The following OR10A6 variants were observed in gnomAD, a reference collection of about 807,000 sequenced individuals.
OR10A6 encodes olfactory receptor 10A6.
In OR10A6, 2 loss-of-function variants were observed where a neutral mutation model predicts 1.5. The observed-to-expected ratio is 1.31, with a 90% CI of 0.54 to 4.13. The LOEUF (loss-of-function observed/expected upper bound fraction) is 4.13, where lower values mean the gene tolerates loss of function less well. Among genes scored for constraint, OR10A6 ranks in the 30% most tolerant of loss-of-function variants. The pLI, the probability that OR10A6 is intolerant of heterozygous loss-of-function variation, is 0.07. For synonymous variants in OR10A6, 169 were observed against 137.3 expected, an observed-to-expected ratio of 1.23 and a Z score of -1.61; for missense variants, 492 against 368.6, an observed-to-expected ratio of 1.33 and a Z score of -2.74.
In OR10A6 at chr11:7,930,314, C is replaced by T. The variant is rs1277848134; in HGVS notation, c.-1652G>A. ...TGTCATGAATGGAAGGCCATTAGGT[C>T]GGAGGAGGATGGCAGGAGGAGGAAA... On this transcript the variant is annotated 5_prime_UTR_variant, in exon 4 of 4. Coordinates refer to ENST00000641238, the MANE Select transcript of OR10A6 (RefSeq NM_001004461.2). 6.6e-6 allele frequency: 1 copy of T among 151,720 alleles called. No individual in the cohort carries two copies. The highest frequency in any genetic ancestry group is 1.5e-5 in the Non-Finnish European group (1 of 67,952). 9.4% of individuals were successfully genotyped at this position (151,720 alleles called of 1,614,324 possible).
intron 3 of OR10A6, 155 bp from the exon 4 acceptor site, chr11:7,930,670 G>C (rs954873280): frequency 1.3e-5 from 2 of 152,124 alleles, no homozygotes; most frequent in Non-Finnish European, 2.9e-5. Context: ...ACCAGACTCT[G>C]TGAGGCCAAA....
Position 7,925,538 on chromosome 11 carries a change from T to C in OR10A6, c.*2180A>G, listed in dbSNP as rs1448921960. On this transcript the variant is annotated 3_prime_UTR_variant, in exon 4 of 4. Transcript: ENST00000641238. ...TCCTTCAAGAGCAGAGACTATTTCA[T>C]TAGATTTAGCTCTCTTAAGACATTT... 2 of 151,958 alleles carry C rather than the reference T, an allele frequency of 1.3e-5. No individual in the cohort carries two copies. Among genetic ancestry groups the C allele is most frequent in the Non-Finnish European group, 2.9e-5 (2 of 67,978 alleles). 9.4% of individuals were successfully genotyped at this position (151,958 alleles called of 1,614,324 possible).
Position 7,927,643 on chromosome 11 carries a change from A to G in OR10A6, c.*75T>C, listed in dbSNP as rs1859434282. 2.9e-6 allele frequency: 3 copies of G among 1,043,930 alleles called. No homozygotes were observed. The highest frequency in any genetic ancestry group is 1.8e-5 in the South Asian group (1 of 56,616). The allele number at this position is 1,043,930 out of a possible 1,614,324, so 64.7% of individuals were successfully genotyped here. ...ACTCATGCCAAAAAATGCAAACTTA[A>G]TGAATCTAAATTTATTAAATTTAGA... On this transcript the variant is annotated 3_prime_UTR_variant, in exon 4 of 4. Coordinates refer to ENST00000641238, the MANE Select transcript of OR10A6 (RefSeq NM_001004461.2).
In OR10A6 at chr11:7,925,293, C is replaced by T. The variant is rs1859374584; in HGVS notation, c.*2425G>A. On this transcript the variant is annotated 3_prime_UTR_variant, in exon 4 of 4. Coordinates refer to ENST00000641238, the MANE Select transcript of OR10A6 (RefSeq NM_001004461.2). ...AATTTACTAGCGATTATTTCTATCT[C>T]CTCACATAACATCACAAATGTATAA... is the stretch of plus-strand genomic sequence containing the variant. 3 of 152,120 alleles carry T rather than the reference C, an allele frequency of 2.0e-5. No homozygotes were observed. Among genetic ancestry groups the T allele is most frequent in the Admixed American group, 2.0e-4 (3 of 15,264 alleles). The allele number at this position is 152,120 out of a possible 1,614,324, so 9.4% of individuals were successfully genotyped here.
In OR10A6 at chr11:7,927,619, C is replaced by A. The variant is rs1398634904; in HGVS notation, c.*99G>T. On this transcript the variant is annotated 3_prime_UTR_variant, in exon 4 of 4. Coordinates refer to ENST00000641238, the MANE Select transcript of OR10A6 (RefSeq NM_001004461.2). ...TGGAGAACACAATAAATTAGTCATA[C>A]TCATGCCAAAAAATGCAAACTTAAT... 4.0e-6 allele frequency: 3 copies of A among 756,506 alleles called. No individual in the cohort carries two copies. The highest frequency in any genetic ancestry group is 6.5e-6 in the Non-Finnish European group (3 of 464,692). The allele number at this position is 756,506 out of a possible 1,614,324, so 46.9% of individuals were successfully genotyped here.
chr11:7,928,111 C>T lies in OR10A6; in HGVS notation c.552G>A (p.Val184=). 1.2e-6 allele frequency: 2 copies of T among 1,613,962 alleles called. No individual in the cohort carries two copies. Among genetic ancestry groups the T allele is most frequent in the Non-Finnish European group, 1.7e-6 (2 of 1,179,978 alleles). The change falls in exon 4 of 4, where the codon GTG becomes GTA. Residue 184 remains valine (V), a synonymous_variant. Transcript: ENST00000641238. ...INHISCETPA[V]LELACADTFL... is the part of the protein sequence containing the mutation. ...ACGTGTCTGCACATGCAAGTTCTAA[C>T]ACTGCTGGGGTTTCACAAGATATAT...
Position 7,927,957 on chromosome 11 carries a change from T to C in OR10A6, c.706A>G (p.Lys236Glu). Residue 236 changes from lysine (K) to glutamate (E), a missense_variant, in exon 4 of 4, where the codon AAG (lysine) becomes GAG (glutamate). Coordinates refer to ENST00000641238, the MANE Select transcript of OR10A6 (RefSeq NM_001004461.2). Reference protein sequence around the residue: ...LKMPSTTGRQKAFSTCAAHLT... With the variant: ...LKMPSTTGRQEAFSTCAAHLT... ...TGAGCGGCACAGGTGGAAAAGGCCT[T>C]TTGTCTCCCAGTGGTTGATGGCATC... The C allele has an allele frequency of 6.2e-7, 1 of 1,613,912 alleles. No homozygotes were observed. The highest frequency in any genetic ancestry group is 8.5e-7 in the Non-Finnish European group (1 of 1,179,976).
In OR10A6 at chr11:7,930,020, C is replaced by T. The variant is rs1859505715; in HGVS notation, c.-1358G>A. 1 of 81,886 alleles carries T rather than the reference C, an allele frequency of 1.2e-5. No homozygotes were observed. Among genetic ancestry groups the T allele is most frequent in the Non-Finnish European group, 2.2e-5 (1 of 44,940 alleles). 5.1% of individuals were successfully genotyped at this position (81,886 alleles called of 1,614,324 possible). ...AAATCCCTCACTAGAGCTTAGCTCCCAGAGGGCAAAGATTTTGTTTGCTTC... is the reference window on the plus strand; with the variant it reads ...AAATCCCTCACTAGAGCTTAGCTCCTAGAGGGCAAAGATTTTGTTTGCTTC... On this transcript the variant is annotated 5_prime_UTR_variant, in exon 4 of 4. Coordinates refer to ENST00000641238, the MANE Select transcript of OR10A6 (RefSeq NM_001004461.2).
At position 7,928,637 on chromosome 11, in the gene OR10A6, A is replaced by G; in HGVS notation, c.26T>C (p.Val9Ala). Residue 9 changes from valine (V) to alanine (A), a missense_variant, in exon 4 of 4, where the codon GTG becomes GCG. Coordinates refer to ENST00000641238, the MANE Select transcript of OR10A6 (RefSeq NM_001004461.2). MERQNQSCVVEFILLGFSN... is the reference protein window; with the variant it reads MERQNQSCAVEFILLGFSN... ...AAAGCCCAAGAGGATGAATTCAACCACACAGCTTTGATTTTGTCTTTCCAT... is the reference window on the plus strand; with the variant it reads ...AAAGCCCAAGAGGATGAATTCAACCGCACAGCTTTGATTTTGTCTTTCCAT... 3 of 1,605,234 alleles carry G rather than the reference A, an allele frequency of 1.9e-6. No homozygotes were observed. Among genetic ancestry groups the G allele is most frequent in the Non-Finnish European group, 2.5e-6 (3 of 1,177,224 alleles).
Position 7,929,749 on chromosome 11 carries a change from T to C in OR10A6, c.-1087A>G, listed in dbSNP as rs1249760723. 1 of 116,788 alleles carries C rather than the reference T, an allele frequency of 8.6e-6. No individual in the cohort carries two copies. Among genetic ancestry groups the C allele is most frequent in the African/African-American group, 3.0e-5 (1 of 33,476 alleles). 7.2% of individuals were successfully genotyped at this position (116,788 alleles called of 1,614,324 possible). On this transcript the variant is annotated 5_prime_UTR_variant, in exon 4 of 4. The change creates a new upstream start codon in the 5' untranslated region. Transcript: ENST00000641238. ...ATATATATATATATATATATATATA[T>C]ATATATACACACACATGCACACATA...
rs1276330176 is a variant in OR10A6, at chr11:7,930,070, CTACA to C, written c.-1412_-1409del. 1.9e-3 allele frequency: 14 copies of C among 7,272 alleles called. No individual in the cohort carries two copies. The highest frequency in any genetic ancestry group is 5.2e-3 in the African/African-American group (14 of 2,668). The allele number at this position is 7,272 out of a possible 1,614,324, so 0.5% of individuals were successfully genotyped here. A position where few individuals can be genotyped will look rare whatever the true frequency, so the allele number is the denominator to read the frequency against. On this transcript the variant is annotated 5_prime_UTR_variant, in exon 4 of 4. The change abolishes the stop of an existing upstream ORF in the 5' untranslated region. Transcript: ENST00000641238. ...CTTTGCTCTACACACACTGCCTACACTACAACCCTCCCTGGCTCATAATAGGTTT... is the reference window on the plus strand; with the variant it reads ...CTTTGCTCTACACACACTGCCTACACACCCTCCCTGGCTCATAATAGGTTT...
rs1554906036 is a variant in OR10A6 at position 7,929,755 on chromosome 11, T to TACATATATATATATATATATATAC, written c.-1094_-1093insGTATATATATATATATATATATGT. On this transcript the variant is annotated 5_prime_UTR_variant, in exon 4 of 4. It adds an upstream start codon to the 5' untranslated region. Coordinates refer to ENST00000641238, the MANE Select transcript of OR10A6 (RefSeq NM_001004461.2). ...ATATATATATATATATATATATATATACACACACATGCACACATATATATA... is the reference window on the plus strand; with the variant it reads ...ATATATATATATATATATATATATATACATATATATATATATATATATACACACACACATGCACACATATATATA... 3.1e-5 allele frequency: 3 copies of TACATATATATATATATATATATAC among 97,262 alleles called. No individual in the cohort carries two copies. The highest frequency in any genetic ancestry group is 6.7e-5 in the Non-Finnish European group (3 of 44,942). The allele number at this position is 97,262 out of a possible 1,614,324, so 6.0% of individuals were successfully genotyped here. A position where few individuals can be genotyped will look rare whatever the true frequency, so the allele number is the denominator to read the frequency against.
rs1203351873 is a variant in OR10A6, at chr11:7,928,961, T to G, written c.-299A>C. 1.8e-5 allele frequency: 5 copies of G among 281,550 alleles called. No individual in the cohort carries two copies. Among genetic ancestry groups the G allele is most frequent in the African/African-American group, 1.1e-4 (5 of 45,934 alleles). The allele number at this position is 281,550 out of a possible 1,614,324, so 17.4% of individuals were successfully genotyped here. A position where few individuals can be genotyped will look rare whatever the true frequency, so the allele number is the denominator to read the frequency against. ...ATAGCCTTAATGGAAATATAAATAC[T>G]TTATACCTTAGGTTCCAATCCCATA... On this transcript the variant is annotated 5_prime_UTR_variant, in exon 4 of 4. Transcript: ENST00000641238.
rs1859410883 is a variant in OR10A6, at chr11:7,926,838, A to G, written c.*880T>C. 1 of 152,234 alleles carries G rather than the reference A, an allele frequency of 6.6e-6. No homozygotes were observed. The allele number at this position is 152,234 out of a possible 1,614,324, so 9.4% of individuals were successfully genotyped here. A position where few individuals can be genotyped will look rare whatever the true frequency, so the allele number is the denominator to read the frequency against. On this transcript the variant is annotated 3_prime_UTR_variant, in exon 4 of 4. Transcript: ENST00000641238. ...TGGAAAGATGCACATAAATATTGAT[A>G]TGACCCAAGGATAATAGAAAATAGG...
In OR10A6 at chr11:7,928,226, A is replaced by G. The variant is rs760207516; in HGVS notation, c.437T>C (p.Ile146Thr). Residue 146 changes from isoleucine (I) to threonine (T), a missense_variant, in exon 4 of 4, where the codon ATA becomes ACA. Ile to Thr is a moderately conservative substitution (Grantham distance 89). Coordinates refer to ENST00000641238, the MANE Select transcript of OR10A6 (RefSeq NM_001004461.2). ...CATAAAACCTAAGGCCCATGAAAAT[A>G]TAATTAATTTCATAAAAACTCCTTT... The part of the protein sequence containing the change: ...MNKGVFMKLI[I>T]FSWALGFMLG... The G allele has an allele frequency of 1.2e-6, 2 of 1,611,688 alleles. No homozygotes were observed. The highest frequency in any genetic ancestry group is 1.7e-6 in the Non-Finnish European group (2 of 1,178,782).
rs1859470126 is a variant in OR10A6 at position 7,928,778 on chromosome 11, G to A, written c.-116C>T. 3.2e-6 allele frequency: 2 copies of A among 626,920 alleles called. No homozygotes were observed. The highest frequency in any genetic ancestry group is 1.9e-5 in the African/African-American group (1 of 52,690). 38.8% of individuals were successfully genotyped at this position (626,920 alleles called of 1,614,324 possible). On this transcript the variant is annotated 5_prime_UTR_variant, in exon 4 of 4. Coordinates refer to ENST00000641238, the MANE Select transcript of OR10A6 (RefSeq NM_001004461.2). Reference sequence around the variant, plus strand: ...CACCCCAGAAATTCTGGCAGAAGATGAGGAGCCTATCCTGACAGAAATTTT... The same window carrying A: ...CACCCCAGAAATTCTGGCAGAAGATAAGGAGCCTATCCTGACAGAAATTTT...
In OR10A6 at chr11:7,927,862, T is replaced by A. The variant is rs1859441870; in HGVS notation, c.801A>T (p.Ser267=). The A allele has an allele frequency of 6.2e-7, 1 of 1,613,880 alleles. No homozygotes were observed. The highest frequency in any genetic ancestry group is 1.7e-5 in the Admixed American group (1 of 59,926). ...MTYLQPKSGY[S]PETKKVMSLS... is the part of the protein sequence containing the mutation. ...ATGACATCACTTTCTTGGTTTCCGG[T>A]GAGTAGCCAGATTTGGGTTGTAAAT... The change falls in exon 4 of 4, where the codon TCA becomes TCT. Residue 267 remains serine (S), a synonymous_variant. Transcript: ENST00000641238.
At position 7,928,109 on chromosome 11, in the gene OR10A6, A is replaced by C. The variant is rs775344359; in HGVS notation, c.554T>G (p.Leu185Ter). 1 of 1,614,044 alleles carries C rather than the reference A, an allele frequency of 6.2e-7. No individual in the cohort carries two copies. Among genetic ancestry groups the C allele is most frequent in the Admixed American group, 1.7e-5 (1 of 59,904 alleles). Residue 185 changes from leucine (L) to a stop codon, truncating the protein, a stop_gained, in exon 4 of 4, where the codon TTA becomes TGA. Coordinates refer to ENST00000641238, the MANE Select transcript of OR10A6 (RefSeq NM_001004461.2). LOFTEE classifies it low-confidence loss of function (END_TRUNC). ...NHISCETPAV[L>*]ELACADTFLF... ...AAACGTGTCTGCACATGCAAGTTCT[A>C]ACACTGCTGGGGTTTCACAAGATAT...
rs898523631 is a variant in OR10A6, at chr11:7,925,029, G to T, written c.*2689C>A. 6.6e-6 allele frequency: 1 copy of T among 151,880 alleles called. No individual in the cohort carries two copies. Among genetic ancestry groups the T allele is most frequent in the Non-Finnish European group, 1.5e-5 (1 of 67,984 alleles). The allele number at this position is 151,880 out of a possible 1,614,324, so 9.4% of individuals were successfully genotyped here. A position where few individuals can be genotyped will look rare whatever the true frequency, so the allele number is the denominator to read the frequency against. On this transcript the variant is annotated 3_prime_UTR_variant, in exon 4 of 4. Transcript: ENST00000641238. The stretch of plus-strand genomic sequence containing the variant: ...TTGGTTATTAACTGGATACATTACT[G>T]CCCTTAAGAAACTTGTTTTTTTTTT...
Sources: gnomAD v4.1 joint callset for allele counts on GRCh38, gnomAD v4.1.1 for gene constraint, MANE v1.5 for transcripts, NCBI Gene and HGNC (gene_info 2026-07-23, HGNC 2026-07-21) for gene names.